VPS37A: variants seen among roughly 807,000 people sequenced by gnomAD.
VPS37A encodes the protein vacuolar protein sorting-associated protein 37A.
A neutral mutation model predicts 49.8 loss-of-function variants in VPS37A; 30 were observed. The observed-to-expected ratio is 0.60, with a 90% confidence interval of 0.45 to 0.82. The LOEUF is 0.82. Among genes scored for constraint, VPS37A ranks in the 40% least tolerant of loss-of-function variants. VPS37A has a pLI of 0.00. For missense variants in VPS37A, 593 were observed against 464.4 expected (o/e 1.28, Z -2.55); for synonymous variants, 195 against 160.6 (o/e 1.21, Z -1.62).
At chr8:17,293,263 CT>C in intron 11 of VPS37A, among the ~76,000 whole-genome samples, 1 of 151,676 alleles carries the variant, frequency 6.6e-6, no homozygotes, top group East Asian at 2.0e-4. Context: ...ACTATGTATG[CT>C]TCATGAAGTT....
intron 9 of VPS37A, among the ~76,000 whole-genome samples, chr8:17,282,173 A>G (rs909072202): frequency 1.3e-5 from 2 of 152,106 alleles, no homozygotes; most frequent in South Asian, 2.1e-4. Flanking sequence ...AAAACAGTAT[A>G]GTAGTTTTAT....
chr8:17,309,347 A>T, the VPS37A span: 1 of 1,516,732 alleles, frequency 6.6e-7, no homozygotes, highest in African/African-American at 1.4e-5. Context: ...AAGAATACAA[A>T]TATCTTGGAG....
chr8:17,325,119 C>T, the VPS37A span, among the ~76,000 whole-genome samples: 2 of 152,168 alleles, frequency 1.3e-5, no homozygotes, highest in African/African-American at 4.8e-5. Context: ...AAAGGGACAT[C>T]GGAACCGACA....
downstream of VPS37A, chr8:17,304,442 G>C (rs369293993): frequency 2.5e-6 from 4 of 1,613,982 alleles, no homozygotes; most frequent in African/African-American, 5.3e-5. Context: ...GCTGTGATCA[G>C]CTCTAAACAG....
intron 9 of VPS37A, among the ~76,000 whole-genome samples, chr8:17,283,173 A>AT (rs371088557): frequency 0.024 from 3,543 of 149,960 alleles, 146 homozygotes; most frequent in African/African-American, 0.082. Flanking sequence ...CATGGCCATT[A>AT]TTTTTTTTTT....
the VPS37A span, among the ~76,000 whole-genome samples, chr8:17,319,583 A>T: frequency 1.3e-5 from 2 of 152,232 alleles, no homozygotes; most frequent in Non-Finnish European, 2.9e-5. Flanking sequence ...AGTGACACTT[A>T]CATACCAGGT....
downstream of VPS37A, among the ~76,000 whole-genome samples, chr8:17,302,638 C>G (rs1164430751): frequency 7.5e-6 from 1 of 132,610 alleles, no homozygotes; most frequent in Non-Finnish European, 1.6e-5. Context: ...CAAAGGGAAT[C>G]TTAAACTTGC....
chr8:17,311,430 C>A, the VPS37A span: 2 of 1,568,926 alleles, frequency 1.3e-6, no homozygotes, highest in Non-Finnish European at 1.7e-6. Flanking sequence ...AAGAAAACAG[C>A]AGTTGCCAGT....
chr8:17,299,964 C>T (rs1165807576), downstream of VPS37A: 2 of 1,614,142 alleles, frequency 1.2e-6, no homozygotes, highest in South Asian at 1.1e-5. Flanking sequence ...TCAAATCCTC[C>T]ACCCCGGACT....
chr8:17,257,845 A>G (rs900268852), intron 1 of VPS37A, among the ~76,000 whole-genome samples: 3 of 152,046 alleles, frequency 2.0e-5, no homozygotes, highest in Admixed American at 2.0e-4. Context: ...TTCCTTGTTT[A>G]GATGTTTCAC....
At chr8:17,328,322 A>G in the VPS37A span, among the ~76,000 whole-genome samples, 5 of 152,268 alleles carry the variant, frequency 3.3e-5, no homozygotes, top group Admixed American at 6.5e-5. Flanking sequence ...CTTCCTCCCC[A>G]ACACCCAGGA....
intron 1 of VPS37A, among the ~76,000 whole-genome samples, chr8:17,256,692 G>T (rs2065053922): frequency 6.6e-6 from 1 of 150,494 alleles, no homozygotes; most frequent in African/African-American, 2.5e-5. Flanking sequence ...CACTTTTGTT[G>T]CTCAGGCTGG....
downstream of VPS37A, chr8:17,305,935 G>T (rs1225362237): frequency 1.9e-6 from 3 of 1,612,888 alleles, no homozygotes; most frequent in South Asian, 2.2e-5. Context: ...ATTTCTTTTG[G>T]GTCACCATCT....
the VPS37A span, among the ~76,000 whole-genome samples, chr8:17,333,173 C>T: frequency 6.6e-6 from 1 of 152,196 alleles, no homozygotes; most frequent in Admixed American, 6.5e-5. Context: ...ACACTGTTCC[C>T]ATCCACAAAA....
intron 1 of VPS37A, chr8:17,247,797 T>G (rs1811450523): frequency 1.4e-6 from 1 of 702,216 alleles, no homozygotes; most frequent in Non-Finnish European, 2.6e-6. Context: ...ATAGAACTGT[T>G]GCAACATCAA....
intron 6 of VPS37A, among the ~76,000 whole-genome samples, chr8:17,278,574 C>T (rs1814743675): frequency 6.6e-6 from 1 of 152,052 alleles, no homozygotes; most frequent in South Asian, 2.1e-4. Context: ...ATGCTGTGGG[C>T]TCATCATGAA....
the VPS37A span, among the ~76,000 whole-genome samples, chr8:17,316,655 AT>A: frequency 1.1e-4 from 17 of 152,188 alleles, no homozygotes; most frequent in African/African-American, 3.9e-4. Context: ...TTTGAAAAAA[AT>A]AAAAATAACA....
the VPS37A span, chr8:17,313,367 G>T: frequency 6.2e-7 from 1 of 1,612,430 alleles, no homozygotes; most frequent in South Asian, 1.1e-5. Context: ...GACCCCACAG[G>T]AAATCACTCA....
At chr8:17,272,216 G>C (rs1031868372) in intron 4 of VPS37A, among the ~76,000 whole-genome samples, 3 of 152,146 alleles carry the variant, frequency 2.0e-5, no homozygotes, top group South Asian at 4.1e-4. Context: ...ATAATCTTCT[G>C]AGGGGACTTC....
Sources: allele counts gnomAD v4.1 joint callset (sites outside exome capture counted in the v4.1 genomes callset), GRCh38; gene constraint gnomAD v4.1.1; transcripts MANE v1.5; gene names NCBI Gene and HGNC (gene_info 2026-07-23, HGNC 2026-07-21).